Variants in HIVEP1 observed in about 807,000 individuals in gnomAD.
HIVEP1 encodes zinc finger protein 40.
Under a neutral mutation model 180.0 loss-of-function variants are expected in HIVEP1, and 36 were observed. That is an observed-to-expected ratio of 0.20 (90% CI 0.15 to 0.26). The LOEUF is 0.26. Among genes scored for constraint, HIVEP1 ranks in the 10% least tolerant of loss-of-function variants. HIVEP1 has a pLI of 1.00. For missense variants in HIVEP1, 3,143 were observed against 3,268.7 expected (o/e 0.96, Z 0.94); for synonymous variants, 1,239 against 1,239.0 (o/e 1.00, Z 0.00).
intron 3 of HIVEP1, among the ~76,000 whole-genome samples, chr6:12,092,588 A>G (rs1413946667): frequency 6.6e-6 from 1 of 152,152 alleles, no homozygotes; most frequent in African/African-American, 2.4e-5. Flanking sequence ...AAATGATGCT[A>G]TATTGTTTTC....
Position 12,164,147 on chromosome 6 carries a change from C to G in HIVEP1, c.7843C>G (p.Leu2615Val). The G allele has an allele frequency of 6.2e-7, 1 of 1,614,184 alleles. No homozygotes were observed. Among genetic ancestry groups the G allele is most frequent in the East Asian group, 2.2e-5 (1 of 44,868 alleles). Reference sequence around the variant, plus strand: ...CCAGCGGGAAAATGCAAAAAAAGTTCTGAATCCACCTGCCCCTGCAGGTGA... The same window carrying G: ...CCAGCGGGAAAATGCAAAAAAAGTTGTGAATCCACCTGCCCCTGCAGGTGA... ...TVQRENAKKV[L>V]NPPAPAGDHA... Residue 2615 changes from leucine to valine, a missense_variant, in exon 9 of 9, where the codon CTG becomes GTG. Transcript: ENST00000379388.
At chr6:12,168,268 AC>A (rs1760800401), downstream of HIVEP1, among the ~76,000 whole-genome samples, 1 of 133,276 alleles carries the variant, frequency 7.5e-6, no homozygotes, top group African/African-American at 2.9e-5. Flanking sequence ...GTGTATATAT[AC>A]ATATATACAT....
At chr6:12,205,025 C>T in the HIVEP1 span, among the ~76,000 whole-genome samples, 2 of 152,050 alleles carry the variant, frequency 1.3e-5, no homozygotes, top group South Asian at 2.1e-4. Flanking sequence ...CCTGTGTGTT[C>T]GGGATTGTGT....
At chr6:12,200,156 G>A in the HIVEP1 span, among the ~76,000 whole-genome samples, 2 of 152,150 alleles carry the variant, frequency 1.3e-5, no homozygotes, top group South Asian at 2.1e-4. Context: ...ACAGGGCCAG[G>A]GGCAGAAGCA....
At chr6:12,117,303 T>C (rs962311396) in intron 3 of HIVEP1, among the ~76,000 whole-genome samples, 1 of 152,130 alleles carries the variant, frequency 6.6e-6, no homozygotes, top group African/African-American at 2.4e-5. Flanking sequence ...ACAGATAAAA[T>C]GTAAGTGTTA....
chr6:12,189,372 A>G, the HIVEP1 span, among the ~76,000 whole-genome samples: 1 of 152,246 alleles, frequency 6.6e-6, no homozygotes, highest in East Asian at 1.9e-4. Flanking sequence ...TTGCATGGAT[A>G]AAAAATACAA....
At position 12,121,222 on chromosome 6, in the gene HIVEP1, C is replaced by G; in HGVS notation, c.1427C>G (p.Ser476Cys). The change falls in exon 4 of 9, where the codon TCC becomes TGC. Residue 476 changes from serine to cysteine, a missense_variant. By Grantham distance (112) the Ser-to-Cys change is moderately radical. This residue lies in a region of HIVEP1 where 365 missense variants were observed against 344.4 expected (regional missense o/e 1.06). Transcript: ENST00000379388. This position sits in a 1 kb window ranked among gnomAD's most constrained non-coding sequence, Gnocchi z 5.3. ...LQPDAGGLFLSHESPKALSIH... is the reference protein window; with the variant it reads ...LQPDAGGLFLCHESPKALSIH... ...CCAGATGCTGGTGGCTTGTTCTTGT[C>G]CCACGAGTCCCCCAAAGCACTTAGT... The G allele has an allele frequency of 6.2e-7, 1 of 1,614,088 alleles. No homozygotes were observed. Among genetic ancestry groups the G allele is most frequent in the East Asian group, 2.2e-5 (1 of 44,882 alleles).
At chr6:12,053,466 T>G (rs533525664) in intron 2 of HIVEP1, among the ~76,000 whole-genome samples, 1 of 152,170 alleles carries the variant, frequency 6.6e-6, no homozygotes, top group East Asian at 1.9e-4. Flanking sequence ...CACCATTAAT[T>G]ATAAATTAAC....
chr6:12,040,458 C>T (rs957312555), intron 2 of HIVEP1, among the ~76,000 whole-genome samples: 5 of 152,078 alleles, frequency 3.3e-5, no homozygotes, highest in Non-Finnish European at 7.4e-5. Flanking sequence ...AACTATAGAT[C>T]TAAATTATCT....
chr6:12,054,683 A>C (rs994721668), intron 2 of HIVEP1, among the ~76,000 whole-genome samples: 3 of 152,086 alleles, frequency 2.0e-5, no homozygotes, highest in Non-Finnish European at 4.4e-5. Flanking sequence ...TTTTGCTGTT[A>C]TTAGTTTGTT....
Position 12,022,744 on chromosome 6 carries a change from C to G in HIVEP1, c.40+7076C>G, listed in dbSNP as rs796871239. Among the ~76,000 whole-genome samples the G allele has an allele frequency of 4.6e-5, 7 of 152,310 alleles. No homozygotes were observed. The East Asian group carries it at 7.7e-4, about 17-fold the overall frequency. ...CCATATGCTTTATAAACACAGGAAACAGGAATATCTACATAAAATCTGTAA... is the reference window on the plus strand; with the variant it reads ...CCATATGCTTTATAAACACAGGAAAGAGGAATATCTACATAAAATCTGTAA... On this transcript the variant is annotated intron_variant, in intron 2 of 8. Transcript: ENST00000379388.
At chr6:12,107,910 A>C (rs1381068349) in intron 3 of HIVEP1, among the ~76,000 whole-genome samples, 2 of 152,082 alleles carry the variant, frequency 1.3e-5, no homozygotes, top group Non-Finnish European at 2.9e-5. Flanking sequence ...GCTAGACACA[A>C]AGGTTCTCCA....
chr6:12,102,471 G>T (rs1225323550), intron 3 of HIVEP1, among the ~76,000 whole-genome samples: 1 of 149,040 alleles, frequency 6.7e-6, no homozygotes, highest in Non-Finnish European at 1.5e-5. Context: ...GTCCCACATT[G>T]TCCCTAAGAG....
chr6:12,167,643 A>ATTATAT (rs1562023620), downstream of HIVEP1, among the ~76,000 whole-genome samples: 1 of 24,046 alleles, frequency 4.2e-5, no homozygotes, highest in Non-Finnish European at 6.7e-5. Context: ...ATATATACAT[A>ATTATAT]TACATATATA....
At chr6:12,186,832 AATTTTCCAAGAGT>A in the HIVEP1 span, among the ~76,000 whole-genome samples, 3 of 152,180 alleles carry the variant, frequency 2.0e-5, no homozygotes, top group Non-Finnish European at 2.9e-5. Context: ...ATGAAATAGA[AATTTTCCAAGAGT>A]ATTATAAATT....
At chr6:12,057,130 C>CA (rs1036532407) in intron 2 of HIVEP1, among the ~76,000 whole-genome samples, 1 of 152,118 alleles carries the variant, frequency 6.6e-6, no homozygotes, top group African/African-American at 2.4e-5. Context: ...TTTCTGATGA[C>CA]AAAGCTATCC....
At chr6:12,041,249 G>A (rs1769676823) in intron 2 of HIVEP1, among the ~76,000 whole-genome samples, 1 of 151,990 alleles carries the variant, frequency 6.6e-6, no homozygotes, top group South Asian at 2.1e-4. Context: ...GTGAAACCCT[G>A]TCTCTACTAA....
intron 2 of HIVEP1, chr6:12,037,632 A>C (rs913608477): frequency 1.8e-5 from 7 of 393,172 alleles, no homozygotes; most frequent in South Asian, 1.4e-4. Context: ...AGTAGCAGTG[A>C]GTGTTTTCCT....
chr6:12,104,973 C>G (rs887487113), intron 3 of HIVEP1, among the ~76,000 whole-genome samples: 1 of 152,148 alleles, frequency 6.6e-6, no homozygotes, highest in Non-Finnish European at 1.5e-5. Context: ...TTGGTTCTTT[C>G]ATGTTGAATT....
Sources: gnomAD v4.1 joint callset for allele counts (sites outside exome capture counted in the v4.1 genomes callset) on GRCh38, gnomAD v4.1.1 for gene constraint, gnomAD v4.1.1 regional missense constraint, Gnocchi (gnomAD v3.1) non-coding constraint, MANE v1.5 for transcripts, NCBI Gene and HGNC (gene_info 2026-07-23, HGNC 2026-07-21) for gene names.